The following PDE1C variants were observed in gnomAD, a reference collection of about 807,000 sequenced individuals.
PDE1C encodes phosphodiesterase 1C.
A neutral mutation model predicts 93.1 loss-of-function variants in PDE1C; 62 were observed. That is an observed-to-expected ratio of 0.67 (90% CI 0.54 to 0.82). PDE1C has a LOEUF of 0.82. Ranked by LOEUF, PDE1C falls within the 40% of genes least tolerant of loss-of-function variation. PDE1C has a pLI of 0.00. For missense variants in PDE1C, 742 were observed against 884.6 expected, an observed-to-expected ratio of 0.84 and a Z score of 2.04; for synonymous variants, 325 against 310.1, an observed-to-expected ratio of 1.05 and a Z score of -0.50.
chr7:32,298,017 C>G (rs13312102), intron 1 of PDE1C, among the ~76,000 whole-genome samples: 1 of 5,842 alleles, frequency 1.7e-4, no homozygotes, highest in African/African-American at 8.9e-4. Flanking sequence ...TCTCTCTCTC[C>G]CTCTCTCTCT....
chr7:31,621,183 G>A, the PDE1C span, among the ~76,000 whole-genome samples: 1 of 152,170 alleles, frequency 6.6e-6, no homozygotes, highest in Non-Finnish European at 1.5e-5. Flanking sequence ...AAAACAATCT[G>A]CAGGATATTA....
intron 2 of PDE1C, among the ~76,000 whole-genome samples, chr7:31,936,001 G>A (rs1393840965): frequency 2.6e-5 from 4 of 152,172 alleles, no homozygotes; most frequent in South Asian, 4.1e-4. Context: ...GAACATAGGA[G>A]GGAATGCCGT....
intron 2 of PDE1C, among the ~76,000 whole-genome samples, chr7:32,039,518 C>T (rs1791549800): frequency 6.6e-6 from 1 of 152,170 alleles, no homozygotes; most frequent in African/African-American, 2.4e-5. Context: ...TATGTACATA[C>T]CAGAGTGCAG....
chr7:31,758,514 G>A (rs927095323), intron 17 of PDE1C, among the ~76,000 whole-genome samples: 3 of 151,996 alleles, frequency 2.0e-5, no homozygotes, highest in Admixed American at 6.6e-5. Flanking sequence ...AAGATCCTTC[G>A]AAACTTTTAA....
At chr7:31,930,021 C>G (rs1425564685) in intron 2 of PDE1C, among the ~76,000 whole-genome samples, 1 of 151,884 alleles carries the variant, frequency 6.6e-6, no homozygotes, top group Non-Finnish European at 1.5e-5. Flanking sequence ...GACCACTAGC[C>G]AGACTAATAA....
chr7:32,306,090 T>C (rs574746093), intron 1 of PDE1C, among the ~76,000 whole-genome samples: 8 of 152,262 alleles, frequency 5.3e-5, no homozygotes, highest in Admixed American at 5.2e-4. Flanking sequence ...TTTCACTTGA[T>C]CCTTCATTCT....
chr7:31,644,647 C>T, the PDE1C span, among the ~76,000 whole-genome samples: 1 of 152,180 alleles, frequency 6.6e-6, no homozygotes, highest in Admixed American at 6.6e-5. Context: ...TGGCTCCAGC[C>T]TTCTCTAGCC....
chr7:31,751,489 A>G lies in PDE1C; in HGVS notation c.*1895T>C, dbSNP rs985425157. ...GTAGGGAACATTATTTGAGGAGGCT[A>G]CTACTCCCATGGGCCTCCTCAGTGT... On this transcript the variant is annotated 3_prime_UTR_variant, in exon 18 of 18. Coordinates refer to ENST00000396191, the MANE Select transcript of PDE1C (RefSeq NM_001191057.4). 1 of 152,198 alleles carries G rather than the reference A, an allele frequency of 6.6e-6. No homozygotes were observed. Among genetic ancestry groups the G allele is most frequent in the African/African-American group, 2.4e-5 (1 of 41,436 alleles). 9.4% of individuals were successfully genotyped at this position (152,198 alleles called of 1,614,324 possible).
At chr7:31,703,665 G>A in the PDE1C span, among the ~76,000 whole-genome samples, 21 of 152,280 alleles carry the variant, frequency 1.4e-4, no homozygotes, top group Non-Finnish European at 2.5e-4. Context: ...TAGAGCCTTC[G>A]GCAGATGTTC....
chr7:32,118,298 G>A (rs986433850), intron 3 of PDE1C, among the ~76,000 whole-genome samples: 3 of 152,120 alleles, frequency 2.0e-5, no homozygotes, highest in South Asian at 2.1e-4. Context: ...TGTGATCACC[G>A]TGGACTTAAG....
chr7:31,999,810 T>A (rs1679841310), intron 2 of PDE1C, among the ~76,000 whole-genome samples: 1 of 152,114 alleles, frequency 6.6e-6, no homozygotes, highest in Admixed American at 6.5e-5. Flanking sequence ...AGAGCAGTCA[T>A]GAGAGAGATT....
intron 1 of PDE1C, among the ~76,000 whole-genome samples, chr7:32,413,181 G>T (rs1562713332): frequency 6.6e-6 from 1 of 152,074 alleles, no homozygotes; most frequent in Non-Finnish European, 1.5e-5. Context: ...ACGTAGGGGG[G>T]AATGCATGAC....
At chr7:31,874,378 C>G (rs1291556150) in intron 5 of PDE1C, among the ~76,000 whole-genome samples, 1 of 152,172 alleles carries the variant, frequency 6.6e-6, no homozygotes, top group Non-Finnish European at 1.5e-5. Context: ...ATCTCACTTC[C>G]CGTGGTTAGG....
At chr7:31,863,411 T>C (rs1041941641) in intron 7 of PDE1C, among the ~76,000 whole-genome samples, 5 of 152,182 alleles carry the variant, frequency 3.3e-5, no homozygotes, top group African/African-American at 4.8e-5. Context: ...GCATACTGCA[T>C]TCTTGAGGCT....
intron 3 of PDE1C, among the ~76,000 whole-genome samples, chr7:32,135,475 A>G (rs906890110): frequency 6.6e-6 from 1 of 152,214 alleles, no homozygotes; most frequent in African/African-American, 2.4e-5. Flanking sequence ...CTGAATAGGC[A>G]TTTTTCCAAA....
At chr7:31,796,558 A>G (rs577773460) in intron 16 of PDE1C, among the ~76,000 whole-genome samples, 3 of 151,902 alleles carry the variant, frequency 2.0e-5, no homozygotes, top group Admixed American at 1.3e-4. Context: ...CTGATTCACT[A>G]TGACTCAGAT....
intron 1 of PDE1C, among the ~76,000 whole-genome samples, chr7:32,267,103 G>A (rs928568095): frequency 8.5e-5 from 13 of 152,228 alleles, no homozygotes; most frequent in Non-Finnish European, 1.6e-4. Flanking sequence ...CCTGATAGGC[G>A]GGGCCTCGAC....
intron 6 of PDE1C, among the ~76,000 whole-genome samples, chr7:31,865,868 C>T (rs1189847460): frequency 2.0e-5 from 3 of 152,054 alleles, no homozygotes; most frequent in Non-Finnish European, 4.4e-5. Context: ...GATTTTTGTG[C>T]ACTTTGTTTT....
chr7:31,876,732 T>C (rs958882795), intron 5 of PDE1C, among the ~76,000 whole-genome samples: 3 of 152,214 alleles, frequency 2.0e-5, no homozygotes, highest in South Asian at 2.1e-4. Flanking sequence ...CACTGAAGTA[T>C]TGGGCATCAG....
Sources: allele counts gnomAD v4.1 joint callset (sites outside exome capture counted in the v4.1 genomes callset), GRCh38; gene constraint gnomAD v4.1.1; transcripts MANE v1.5; gene names NCBI Gene and HGNC (gene_info 2026-07-23, HGNC 2026-07-21).